The following CCDC146 variants were observed in gnomAD, a reference collection of about 807,000 sequenced individuals.
CCDC146 encodes coiled-coil domain-containing protein 146.
A neutral mutation model predicts 119.3 loss-of-function variants in CCDC146; 92 were observed. The observed-to-expected ratio is 0.77, with a 90% CI of 0.65 to 0.92. CCDC146 has a LOEUF of 0.92. CCDC146 is among the 40% of genes least tolerant of loss of function. The probability of loss-of-function intolerance (pLI) is 0.00; values close to 1 mark genes in which losing one functional copy is unlikely to be tolerated. For missense variants in CCDC146, 1,000 were observed against 1,103.0 expected, an observed-to-expected ratio of 0.91 and a Z score of 1.32; for synonymous variants, 372 against 371.8, an observed-to-expected ratio of 1.00 and a Z score of -0.01.
At chr7:77,237,579 G>T (rs1792761735) in intron 3 of CCDC146, among the ~76,000 whole-genome samples, 1 of 152,122 alleles carries the variant, frequency 6.6e-6, no homozygotes, top group East Asian at 1.9e-4. Flanking sequence ...ACACCTGCAG[G>T]ACTCTTCTCC....
At chr7:77,199,229 C>G (rs897006922) in intron 2 of CCDC146, 1 of 1,613,732 alleles carries the variant, frequency 6.2e-7, no homozygotes, top group Non-Finnish European at 8.5e-7. Context: ...GAACATTTGC[C>G]ATCCAAACTA....
At chr7:77,235,769 A>G (rs1032896478) in intron 2 of CCDC146, among the ~76,000 whole-genome samples, 1 of 152,124 alleles carries the variant, frequency 6.6e-6, no homozygotes, top group South Asian at 2.1e-4. Context: ...AAGTGGATGA[A>G]TTCAATAAGC....
chr7:77,237,255 A>G (rs192022569), intron 3 of CCDC146, among the ~76,000 whole-genome samples: 17 of 152,272 alleles, frequency 1.1e-4, no homozygotes, highest in African/African-American at 4.1e-4. Flanking sequence ...GCGAGTTTAT[A>G]TGATGGGCTA....
intron 15 of CCDC146, among the ~76,000 whole-genome samples, chr7:77,284,302 T>A (rs1276445777): frequency 6.6e-6 from 1 of 152,112 alleles, no homozygotes; most frequent in African/African-American, 2.4e-5. Context: ...TGAGCACTAA[T>A]ACCTTGTACC....
chr7:77,249,381 G>A (rs185060194), intron 4 of CCDC146, among the ~76,000 whole-genome samples: 3 of 151,564 alleles, frequency 2.0e-5, no homozygotes, highest in African/African-American at 4.9e-5. Flanking sequence ...CCAGCTACTC[G>A]GGAGGCTGAG....
chr7:77,193,057 A>G (rs1791800788), intron 2 of CCDC146, among the ~76,000 whole-genome samples: 1 of 150,558 alleles, frequency 6.6e-6, no homozygotes, highest in African/African-American at 2.5e-5. Context: ...GGACTGGAAT[A>G]GACTGAAACC....
chr7:77,202,779 C>T (rs1443619415), intron 2 of CCDC146, among the ~76,000 whole-genome samples: 1 of 152,142 alleles, frequency 6.6e-6, no homozygotes, highest in Non-Finnish European at 1.5e-5. Flanking sequence ...AGAAAGGGCT[C>T]AAAGCAATAA....
At chr7:77,154,365 G>A (rs1277081420) in intron 1 of CCDC146, among the ~76,000 whole-genome samples, 1 of 151,654 alleles carries the variant, frequency 6.6e-6, no homozygotes, top group Non-Finnish European at 1.5e-5. Context: ...GTGCAGGTTT[G>A]TTTCATATGT....
intron 1 of CCDC146, among the ~76,000 whole-genome samples, chr7:77,162,644 TTTTAGGA>T (rs1791279783): frequency 2.0e-5 from 3 of 152,134 alleles, no homozygotes; most frequent in Non-Finnish European, 1.5e-5. Context: ...TCCATATAAA[TTTTAGGA>T]TTTTTTTTTC....
At chr7:77,258,493 A>C (rs1269787262) in intron 6 of CCDC146, among the ~76,000 whole-genome samples, 1 of 152,210 alleles carries the variant, frequency 6.6e-6, no homozygotes, top group Non-Finnish European at 1.5e-5. Context: ...TCAGTATTGA[A>C]TAAATTACAT....
At chr7:77,251,887 G>T (rs1793068387) in intron 4 of CCDC146, among the ~76,000 whole-genome samples, 1 of 152,326 alleles carries the variant, frequency 6.6e-6, no homozygotes, top group East Asian at 1.9e-4. Flanking sequence ...AGTGGCTCAC[G>T]CCTGTAATCC....
At position 77,191,690 on chromosome 7, in the gene CCDC146, C is replaced by T. The variant is rs573853345; in HGVS notation, c.156+23866C>T. On this transcript the variant is annotated intron_variant, in intron 2 of 18. Transcript: ENST00000285871. ...TTGGGAGGCCAAGGTGGGCGGATCA[C>T]GAGGTCAGGAGATCGAGACCATCCT... Among the ~76,000 whole-genome samples the T allele has an allele frequency of 5.9e-5, 9 of 152,134 alleles. No individual in the cohort carries two copies. In the South Asian group the frequency reaches 6.2e-4, roughly 11 times the overall value.
intron 1 of CCDC146, among the ~76,000 whole-genome samples, chr7:77,155,501 G>A (rs923225342): frequency 2.0e-5 from 3 of 151,916 alleles, no homozygotes; most frequent in Non-Finnish European, 4.4e-5. Context: ...AGACCACAGA[G>A]AGTCTTGTAT....
chr7:77,254,950 C>T (rs888990444), intron 5 of CCDC146, among the ~76,000 whole-genome samples: 8 of 152,194 alleles, frequency 5.3e-5, no homozygotes, highest in Non-Finnish European at 1.2e-4. Context: ...CTATTCCTGC[C>T]TAACAAATCA....
chr7:77,131,607 A>G (rs1790786571), intron 1 of CCDC146, among the ~76,000 whole-genome samples: 1 of 152,178 alleles, frequency 6.6e-6, no homozygotes, highest in Non-Finnish European at 1.5e-5. Flanking sequence ...AGTCCCAGCT[A>G]TTTGAATGGC....
chr7:77,207,060 G>A (rs1420765145), intron 2 of CCDC146, among the ~76,000 whole-genome samples: 1 of 152,026 alleles, frequency 6.6e-6, no homozygotes, highest in African/African-American at 2.4e-5. Context: ...CGCAATAAAT[G>A]TTAATTGAAA....
At chr7:77,254,609 A>G (rs974060987) in intron 5 of CCDC146, 46 bp downstream of exon 5, 3 of 1,031,826 alleles carry the variant, frequency 2.9e-6, no homozygotes, top group Non-Finnish European at 4.4e-6. Flanking sequence ...GCTGGATTCA[A>G]TCATCCCTTT....
At chr7:77,176,527 C>T (rs1791502916) in intron 2 of CCDC146, among the ~76,000 whole-genome samples, 1 of 151,860 alleles carries the variant, frequency 6.6e-6, no homozygotes, top group Non-Finnish European at 1.5e-5. Context: ...AGCAACAGGT[C>T]TGAAGGGAAT....
chr7:77,146,380 T>G (rs779272416), intron 1 of CCDC146, among the ~76,000 whole-genome samples: 2 of 141,546 alleles, frequency 1.4e-5, no homozygotes, highest in Non-Finnish European at 2.9e-5. Flanking sequence ...TTTGCCAGTC[T>G]ATGTCTTTTA....
Sources: allele counts gnomAD v4.1 joint callset (sites outside exome capture counted in the v4.1 genomes callset), GRCh38; gene constraint gnomAD v4.1.1; transcripts MANE v1.5; gene names NCBI Gene and HGNC (gene_info 2026-07-23, HGNC 2026-07-21).